ATP13A3: variants seen among roughly 807,000 people sequenced by gnomAD.
ATP13A3 encodes the protein ATPase 13A3, also known as polyamine-transporting ATPase 13A3.
A neutral mutation model predicts 158.1 loss-of-function variants in ATP13A3; 59 were observed. The observed-to-expected ratio is 0.37, with a 90% confidence interval of 0.30 to 0.46. ATP13A3 has a LOEUF of 0.46. Among genes scored for constraint, ATP13A3 ranks in the 20% least tolerant of loss-of-function variants. ATP13A3 has a pLI of 1.00. For synonymous variants in ATP13A3, 491 were observed against 504.3 expected (o/e 0.97, Z 0.35); for missense variants, 1,166 against 1,525.2 (o/e 0.76, Z 3.92).
At chr3:194,463,193 C>T (rs1261271111) in intron 2 of ATP13A3, among the ~76,000 whole-genome samples, 4 of 152,068 alleles carry the variant, frequency 2.6e-5, no homozygotes, top group African/African-American at 9.7e-5. Context: ...CTCCATCATT[C>T]GATTCCAAGT....
intron 27 of ATP13A3, among the ~76,000 whole-genome samples, chr3:194,429,420 C>A (rs1047206192): frequency 1.3e-5 from 2 of 152,090 alleles, no homozygotes; most frequent in Non-Finnish European, 2.9e-5. Context: ...TGATAGGGTA[C>A]CTGTGGCCAT....
chr3:194,428,231 A>AAAAAAAAAAAAAAAAAAAAAAAG (rs557252872), intron 28 of ATP13A3, among the ~76,000 whole-genome samples: 1 of 141,792 alleles, frequency 7.1e-6, no homozygotes, highest in African/African-American at 2.8e-5. Flanking sequence ...AAAAAAAAAA[A>AAAAAAAAAAAAAAAAAAAAAAAG]AAAAAAGAAA....
chr3:194,476,014 C>A (rs1285430083), intron 2 of ATP13A3, among the ~76,000 whole-genome samples: 5 of 152,158 alleles, frequency 3.3e-5, no homozygotes, highest in African/African-American at 1.2e-4. Context: ...TTTCAAGGAA[C>A]AAAATTCATT....
chr3:194,422,886 T>C (rs938067424), intron 30 of ATP13A3, among the ~76,000 whole-genome samples: 4 of 150,784 alleles, frequency 2.7e-5, no homozygotes, highest in African/African-American at 9.8e-5. Context: ...CTTTAAAAGG[T>C]CACCTTATTC....
chr3:194,465,461 T>C (rs984670948), intron 2 of ATP13A3, among the ~76,000 whole-genome samples: 7 of 152,024 alleles, frequency 4.6e-5, no homozygotes, highest in African/African-American at 1.7e-4. Flanking sequence ...CCCAAAATGA[T>C]TAAGGGAATT....
intron 16 of ATP13A3, among the ~76,000 whole-genome samples, chr3:194,439,570 AAAC>A (rs1321902223): frequency 6.6e-6 from 1 of 152,246 alleles, no homozygotes; most frequent in African/African-American, 2.4e-5. Flanking sequence ...ATAAATGAGA[AAAC>A]AATAGGGAAC....
At position 194,406,104 on chromosome 3, in the gene ATP13A3, G is replaced by A. The variant is rs927986967; in HGVS notation, c.3586C>T (p.Arg1196Trp). The A allele has an allele frequency of 4.3e-6, 7 of 1,613,824 alleles. No individual in the cohort carries two copies. The highest frequency in any genetic ancestry group is 2.2e-5 in the East Asian group (1 of 44,876). The change falls in exon 34 of 34, where the codon CGG (arginine) becomes TGG (tryptophan). Residue 1196 changes from arginine to tryptophan, a missense_variant. Arg to Trp is a moderately radical substitution (Grantham distance 101). Coordinates refer to ENST00000645319, the MANE Select transcript of ATP13A3 (RefSeq NM_001367549.1). ...CAGGGTAAGCAGCATTTTCCCCACC[G>A]ATCCACTGACTCCTAAGAAAATAAG... is the stretch of plus-strand genomic sequence containing the variant. ...TTQPPQESVD[R>W]WGKCCLPWAL... is the part of the protein sequence containing the mutation.
intron 21 of ATP13A3, among the ~76,000 whole-genome samples, chr3:194,433,229 ATTC>A (rs1717360363): frequency 3.7e-5 from 5 of 134,944 alleles, no homozygotes; most frequent in South Asian, 4.9e-4. Flanking sequence ...TACTTTTACT[ATTC>A]TTTTTTTTTT....
intron 2 of ATP13A3, among the ~76,000 whole-genome samples, chr3:194,477,893 TTGAATA>T (rs1720594976): frequency 1.3e-5 from 2 of 152,138 alleles, no homozygotes; most frequent in Admixed American, 6.6e-5. Flanking sequence ...TCTTCTTGGG[TTGAATA>T]CCTCTGTGTC....
chr3:194,457,893 C>T (rs1170603801), intron 6 of ATP13A3, among the ~76,000 whole-genome samples: 1 of 149,850 alleles, frequency 6.7e-6, no homozygotes, highest in East Asian at 2.0e-4. Flanking sequence ...TCAAGCCATT[C>T]TCCTGCCTCA....
chr3:194,423,302 C>T (rs1716520899), intron 30 of ATP13A3, among the ~76,000 whole-genome samples: 1 of 152,156 alleles, frequency 6.6e-6, no homozygotes, highest in East Asian at 1.9e-4. Context: ...TCCTTAAACG[C>T]CTAAGGCTGA....
intron 2 of ATP13A3, among the ~76,000 whole-genome samples, chr3:194,484,529 CAGTG>C (rs543391187): frequency 6.4e-4 from 97 of 152,162 alleles, no homozygotes; most frequent in African/African-American, 2.1e-3. Context: ...TGGTCAAACT[CAGTG>C]AGAATAAGCA....
intron 7 of ATP13A3, 103 bp downstream of exon 7, chr3:194,456,991 A>G (rs1719276149): frequency 1.5e-6 from 1 of 679,290 alleles, no homozygotes; most frequent in Non-Finnish European, 2.4e-6. Context: ...TGTAATATTT[A>G]AGTATCTGTT....
chr3:194,493,800 A>G (rs563584441), intron 2 of ATP13A3, among the ~76,000 whole-genome samples: 17 of 152,258 alleles, frequency 1.1e-4, no homozygotes, highest in African/African-American at 2.9e-4. Flanking sequence ...TCATTTAATC[A>G]TCACAACGAT....
intron 30 of ATP13A3, chr3:194,420,372 A>G (rs1018726811): frequency 1.3e-5 from 2 of 154,510 alleles, no homozygotes; most frequent in Non-Finnish European, 2.9e-5. Context: ...ATCATTTAAA[A>G]CATGTATTCA....
At position 194,430,956 on chromosome 3, in the gene ATP13A3, A is replaced by G; in HGVS notation, c.2611T>C (p.Leu871=). ...PDQKTQLIEA[L]QNVDYFVGMC... is the part of the protein sequence containing the mutation. Reference sequence around the variant, plus strand: ...ACCAATACTTACTCAACATTTTGCAATGCTTCTATCAACTGTGTCTTCTGA... The same window carrying G: ...ACCAATACTTACTCAACATTTTGCAGTGCTTCTATCAACTGTGTCTTCTGA... The change falls in exon 24 of 34, where the codon TTG becomes CTG. Residue 871 remains leucine, a synonymous_variant. Coordinates refer to ENST00000645319, the MANE Select transcript of ATP13A3 (RefSeq NM_001367549.1). 6.2e-7 allele frequency: 1 copy of G among 1,610,334 alleles called. No homozygotes were observed.
rs748765818 is a variant in ATP13A3 at position 194,438,837 on chromosome 3, G to C, written c.1827+19C>G. ...AAGTAACCACCAACAGTTTTATCTA[G>C]CTTTAAGTGATTTCTCACCATTTCT... On this transcript the variant is annotated intron_variant, in intron 17 of 33. Coordinates refer to ENST00000645319, the MANE Select transcript of ATP13A3 (RefSeq NM_001367549.1). The C allele has an allele frequency of 2.7e-6, 4 of 1,471,298 alleles. No homozygotes were observed. Among genetic ancestry groups the C allele is most frequent in the African/African-American group, 2.8e-5 (2 of 70,264 alleles). The allele number at this position is 1,471,298 out of a possible 1,614,324, so 91.1% of individuals were successfully genotyped here.
intron 31 of ATP13A3, among the ~76,000 whole-genome samples, chr3:194,414,886 G>C (rs563815870): frequency 3.0e-4 from 46 of 152,306 alleles, no homozygotes; most frequent in Non-Finnish European, 1.6e-4. Context: ...TGTATTTGCA[G>C]GTCTAAAGCT....
In ATP13A3 at chr3:194,448,727, TG is replaced by T; in HGVS notation, c.971-92del. 2 of 1,224,816 alleles carry T rather than the reference TG, an allele frequency of 1.6e-6. No individual in the cohort carries two copies. Among genetic ancestry groups the T allele is most frequent in the Non-Finnish European group, 2.3e-6 (2 of 888,718 alleles). The allele number at this position is 1,224,816 out of a possible 1,614,324, so 75.9% of individuals were successfully genotyped here. A position where few individuals can be genotyped will look rare whatever the true frequency, so the allele number is the denominator to read the frequency against. ...TATCGAACACCAAAAAATATTAAAT[TG>T]TTAAATATTTTAAATGCTACCATAC... On this transcript the variant is annotated intron_variant, in intron 11 of 33. Coordinates refer to ENST00000645319, the MANE Select transcript of ATP13A3 (RefSeq NM_001367549.1). This position sits in a 1 kb window ranked among gnomAD's most constrained non-coding sequence, Gnocchi z 4.0.
Sources: allele counts gnomAD v4.1 joint callset (sites outside exome capture counted in the v4.1 genomes callset), GRCh38; gene constraint gnomAD v4.1.1; non-coding constraint Gnocchi (gnomAD v3.1); transcripts MANE v1.5; gene names NCBI Gene and HGNC (gene_info 2026-07-23, HGNC 2026-07-21).